Variants in WASHC2C observed in about 807,000 individuals in gnomAD.
The protein encoded by WASHC2C is WASH complex subunit 2C.
WASHC2C carries 73 observed loss-of-function variants against 142.2 expected under a neutral mutation model. The ratio of observed to expected loss-of-function variants is 0.51; its 90% CI spans 0.43 to 0.62. The LOEUF (loss-of-function observed/expected upper bound fraction) is 0.62. Ranked by LOEUF, WASHC2C falls within the 20% of genes least tolerant of loss-of-function variation. WASHC2C has a pLI of 0.00. For synonymous variants in WASHC2C, 337 were observed against 565.5 expected (o/e 0.60, Z 5.73); for missense variants, 969 against 1,531.7 (o/e 0.63, Z 6.13).
Position 45,727,427 on chromosome 10 carries a change from C to A in WASHC2C, c.14C>A (p.Thr5Lys). 2 of 1,611,382 alleles carry A rather than the reference C, an allele frequency of 1.2e-6. No individual in the cohort carries two copies. Among genetic ancestry groups the A allele is most frequent in the Non-Finnish European group, 1.7e-6 (2 of 1,179,442 alleles). MMNR[T>K]TPDQELVPAS... ...TTTTTTTCGCTGCAGATGAACCGGACGACCCCCGACCAGGAGCTGGTGCCG... is the reference window on the plus strand; with the variant it reads ...TTTTTTTCGCTGCAGATGAACCGGAAGACCCCCGACCAGGAGCTGGTGCCG... Residue 5 changes from threonine (T) to lysine (K), a missense_variant, in exon 2 of 31, where the codon ACG becomes AAG. Physicochemically the swap from Thr to Lys is moderately conservative, Grantham distance 78. Coordinates refer to ENST00000623400, the MANE Select transcript of WASHC2C (RefSeq NM_001330074.2).
intron 23 of WASHC2C, among the ~76,000 whole-genome samples, chr10:45,780,770 T>G (rs2057434701): frequency 6.6e-6 from 1 of 150,774 alleles, no homozygotes; most frequent in Non-Finnish European, 1.5e-5. Context: ...TTTTTTTTTT[T>G]GCAATGGAGT....
chr10:45,752,673 C>T lies in WASHC2C; in HGVS notation c.1089C>T (p.Gly363=), dbSNP rs2610439. The change falls in exon 12 of 31, where the codon GGC becomes GGT. Residue 363 remains glycine (G), a synonymous_variant. Transcript: ENST00000623400. ...GCTCTGGAGGTGGCCTGTTCAGTGG[C>T]GGCAAGGGGCTATTTGATGATGAGG... ...PFGSGGGLFS[G]GKGLFDDEDE... is the part of the protein sequence containing the mutation. 210 of 1,559,882 alleles carry T rather than the reference C, an allele frequency of 1.3e-4. 5 individuals carry two copies. Among genetic ancestry groups the T allele is most frequent in the Non-Finnish European group, 1.7e-4 (200 of 1,148,058 alleles).
chr10:45,784,271 T>TATATATATATATACACACACACAC (rs2057795465), intron 23 of WASHC2C, among the ~76,000 whole-genome samples: 16 of 8,724 alleles, frequency 1.8e-3, no homozygotes, highest in Non-Finnish European at 4.5e-3. Context: ...TATATATATA[T>TATATATATATATACACACACACAC]ATATATATAT....
intron 10 of WASHC2C, among the ~76,000 whole-genome samples, chr10:45,751,137 C>G (rs1312060886): frequency 6.6e-6 from 1 of 151,808 alleles, no homozygotes; most frequent in African/African-American, 2.4e-5. Flanking sequence ...CTTAAGAATT[C>G]CTGGCTGAAT....
intron 19 of WASHC2C, among the ~76,000 whole-genome samples, chr10:45,767,532 CA>C (rs1245117900): frequency 6.6e-6 from 1 of 152,302 alleles, no homozygotes; most frequent in African/African-American, 2.4e-5. Flanking sequence ...AGCCAGACAT[CA>C]GTGTAGTTGC....
chr10:45,768,175 C>T (rs1288285329), intron 19 of WASHC2C, among the ~76,000 whole-genome samples: 11 of 150,600 alleles, frequency 7.3e-5, no homozygotes, highest in Admixed American at 2.7e-4. Flanking sequence ...TGCAGTGAGC[C>T]GAGACCGCGC....
intron 23 of WASHC2C, among the ~76,000 whole-genome samples, chr10:45,781,539 C>A (rs1359008210): frequency 6.6e-6 from 1 of 152,152 alleles, no homozygotes; most frequent in South Asian, 2.1e-4. Flanking sequence ...TAGAAATAAA[C>A]CCTCACATTT....
At chr10:45,783,883 C>G (rs1554888696) in intron 23 of WASHC2C, among the ~76,000 whole-genome samples, 1 of 151,968 alleles carries the variant, frequency 6.6e-6, no homozygotes, top group African/African-American at 2.4e-5. Flanking sequence ...TGTTAGATAT[C>G]TAGTAAACAA....
At chr10:45,753,387 A>C (rs1377481961) in intron 13 of WASHC2C, 150 bp downstream of exon 13, 1 of 771,986 alleles carries the variant, frequency 1.3e-6, no homozygotes, top group Non-Finnish European at 2.0e-6. Context: ...AAAGTAATTC[A>C]TCTTCACTAA....
At chr10:45,752,075 T>C (rs2053658686) in intron 11 of WASHC2C, among the ~76,000 whole-genome samples, 1 of 152,240 alleles carries the variant, frequency 6.6e-6, no homozygotes, top group Non-Finnish European at 1.5e-5. Flanking sequence ...TATTAGATTT[T>C]ACAGCAATCA....
intron 4 of WASHC2C, 102 bp downstream of exon 4, chr10:45,738,147 A>C (rs2051509136): frequency 1.9e-6 from 3 of 1,610,626 alleles, no homozygotes; most frequent in Admixed American, 1.7e-5. Flanking sequence ...TGGGGTTGGG[A>C]AAGGGAGGGA....
In WASHC2C at chr10:45,751,653, C is replaced by G. The variant is rs571884632; in HGVS notation, c.1003+100C>G. On this transcript the variant is annotated intron_variant, in intron 11 of 30. Transcript: ENST00000623400. ...TACTGCTTTACATGCTGTTTTCCCT[C>G]TGACAAATGGGTCTGTCTCCATTTA... The G allele has an allele frequency of 6.0e-6, 7 of 1,161,330 alleles. No homozygotes were observed. In the South Asian group the frequency reaches 6.0e-5, roughly 10 times the overall value. 71.9% of individuals were successfully genotyped at this position (1,161,330 alleles called of 1,614,324 possible).
At chr10:45,785,324 A>C (rs1417665757) in intron 25 of WASHC2C, among the ~76,000 whole-genome samples, 185 bp from the exon 26 acceptor site, 4 of 152,096 alleles carry the variant, frequency 2.6e-5, no homozygotes, top group Non-Finnish European at 5.9e-5. Flanking sequence ...TATCATAGAG[A>C]GGACTCCTGT....
chr10:45,757,492 A>G (rs2054451425), intron 16 of WASHC2C, among the ~76,000 whole-genome samples: 1 of 151,474 alleles, frequency 6.6e-6, no homozygotes, highest in Admixed American at 6.6e-5. Context: ...AGACTTCCAT[A>G]TAAGCACAAT....
intron 17 of WASHC2C, among the ~76,000 whole-genome samples, chr10:45,761,137 T>A (rs1334033894): frequency 5.3e-5 from 8 of 151,542 alleles, no homozygotes; most frequent in Non-Finnish European, 2.9e-5. Flanking sequence ...GGGTCTCTTG[T>A]GTCTGAAGGT....
intron 3 of WASHC2C, among the ~76,000 whole-genome samples, chr10:45,734,431 A>G (rs1282650362): frequency 1.3e-5 from 2 of 151,592 alleles, no homozygotes; most frequent in East Asian, 3.9e-4. Flanking sequence ...GAACTTATTT[A>G]ACCCATCTTT....
At chr10:45,743,073 C>T (rs1177826152) in intron 5 of WASHC2C, among the ~76,000 whole-genome samples, 5 of 151,852 alleles carry the variant, frequency 3.3e-5, no homozygotes, top group African/African-American at 9.7e-5. Flanking sequence ...GACGGGGTTT[C>T]ACCACGTTGG....
At chr10:45,744,696 G>T in intron 6 of WASHC2C, 125 bp from the exon 7 acceptor site, 1 of 543,006 alleles carries the variant, frequency 1.8e-6, no homozygotes, top group East Asian at 3.0e-5. Context: ...TTCAATTCCA[G>T]TAAGTGGGTA....
chr10:45,727,048 C>A (rs1440976564), upstream of WASHC2C: 9 of 1,154,504 alleles, frequency 7.8e-6, no homozygotes, highest in Admixed American at 1.9e-4. Flanking sequence ...CCGCCCAACC[C>A]GCCTCTGCAG....
Sources: gnomAD v4.1 joint callset for allele counts (sites outside exome capture counted in the v4.1 genomes callset) on GRCh38, gnomAD v4.1.1 for gene constraint, MANE v1.5 for transcripts, NCBI Gene and HGNC (gene_info 2026-07-23, HGNC 2026-07-21) for gene names.